Variants in FGF4 observed in about 807,000 individuals in gnomAD.
The protein encoded by FGF4 is fibroblast growth factor 4, also known as heparin secretory transforming protein 1.
In FGF4, 9 loss-of-function variants were observed where a neutral mutation model predicts 15.7. That is an observed-to-expected ratio of 0.57 (90% CI 0.35 to 1.00). The LOEUF is 1.00. Among genes scored for constraint, FGF4 ranks in the 50% least tolerant of loss-of-function variants. The pLI is 0.02. For missense variants in FGF4, 286 were observed against 297.3 expected (o/e 0.96, Z 0.28); for synonymous variants, 164 against 144.8 (o/e 1.13, Z -0.95).
Position 69,774,975 on chromosome 11 carries a change from C to A in FGF4, c.110G>T (p.Gly37Val). 1 of 1,474,568 alleles carries A rather than the reference C, an allele frequency of 6.8e-7. No individual in the cohort carries two copies. Among genetic ancestry groups the A allele is most frequent in the Non-Finnish European group, 8.9e-7 (1 of 1,120,788 alleles). 91.3% of individuals were successfully genotyped at this position (1,474,568 alleles called of 1,614,324 possible). The change falls in exon 1 of 3, where the codon GGC becomes GTC. Residue 37 changes from glycine (G) to valine (V), a missense_variant. Physicochemically the swap from Gly to Val is moderately radical, Grantham distance 109 (BLOSUM62 -3). Transcript: ENST00000168712. ...GCGCTCCAGCTCGGCCTCCAGCGTGCCGTTGGGTGCAGTGGGTGCGGCGGC... is the reference window on the plus strand; with the variant it reads ...GCGCTCCAGCTCGGCCTCCAGCGTGACGTTGGGTGCAGTGGGTGCGGCGGC... Reference protein sequence around the residue: ...GGAAAPTAPNGTLEAELERRW... With the variant: ...GGAAAPTAPNVTLEAELERRW...
In FGF4 at chr11:69,771,890, T is replaced by C. The variant is rs1376745996; in HGVS notation, c.*1419A>G. Reference sequence around the variant, plus strand: ...GTATAAACTCTAAAAAGTCATTCATTAAAATTAAATGTTTGCCATCACCTC... The same window carrying C: ...GTATAAACTCTAAAAAGTCATTCATCAAAATTAAATGTTTGCCATCACCTC... On this transcript the variant is annotated 3_prime_UTR_variant, in exon 3 of 3. Transcript: ENST00000168712. 1 of 152,178 alleles carries C rather than the reference T, an allele frequency of 6.6e-6. No individual in the cohort carries two copies. The allele number at this position is 152,178 out of a possible 1,614,324, so 9.4% of individuals were successfully genotyped here. A position where few individuals can be genotyped will look rare whatever the true frequency, so the allele number is the denominator to read the frequency against.
At position 69,773,035 on chromosome 11, in the gene FGF4, TAAAG is replaced by T. The variant is rs943821449; in HGVS notation, c.*270_*273del. Reference sequence around the variant, plus strand: ...ACACTCGTGACAACTTTTGACAAGTTAAAGAAATCCAATGGTAAGATTCTCCACT... The same window carrying T: ...ACACTCGTGACAACTTTTGACAAGTTAAATCCAATGGTAAGATTCTCCACT... On this transcript the variant is annotated 3_prime_UTR_variant, in exon 3 of 3. Transcript: ENST00000168712. The T allele has an allele frequency of 1.8e-5, 7 of 395,710 alleles. No homozygotes were observed. The highest frequency in any genetic ancestry group is 1.4e-4 in the African/African-American group (7 of 49,632). 24.5% of individuals were successfully genotyped at this position (395,710 alleles called of 1,614,324 possible). A position where few individuals can be genotyped will look rare whatever the true frequency, so the allele number is the denominator to read the frequency against.
In FGF4 at chr11:69,771,224, C is replaced by T. The variant is rs1481041742; in HGVS notation, c.*2085G>A. On this transcript the variant is annotated 3_prime_UTR_variant, in exon 3 of 3. Coordinates refer to ENST00000168712, the MANE Select transcript of FGF4 (RefSeq NM_002007.4). ...TGGCACATACAGGAACCTCGAATCC[C>T]CATCACAGCAATATGAAAACAATAT... The T allele has an allele frequency of 6.6e-6, 1 of 152,194 alleles. No homozygotes were observed. Among genetic ancestry groups the T allele is most frequent in the Non-Finnish European group, 1.5e-5 (1 of 68,040 alleles). 9.4% of individuals were successfully genotyped at this position (152,194 alleles called of 1,614,324 possible).
In FGF4 at chr11:69,775,184, C is replaced by T. The variant is rs568185467; in HGVS notation, c.-100G>A. Reference sequence around the variant, plus strand: ...CGTCCCGCGGGAGCGCACGGCCGACCTCGGGCAGGAGTGCGCAACCGAGGA... The same window carrying T: ...CGTCCCGCGGGAGCGCACGGCCGACTTCGGGCAGGAGTGCGCAACCGAGGA... On this transcript the variant is annotated 5_prime_UTR_variant, in exon 1 of 3. Coordinates refer to ENST00000168712, the MANE Select transcript of FGF4 (RefSeq NM_002007.4). 3.4e-6 allele frequency: 3 copies of T among 873,794 alleles called. No individual in the cohort carries two copies. The highest frequency in any genetic ancestry group is 9.6e-5 in the South Asian group (2 of 20,884). 54.1% of individuals were successfully genotyped at this position (873,794 alleles called of 1,614,324 possible). A position where few individuals can be genotyped will look rare whatever the true frequency, so the allele number is the denominator to read the frequency against.
Position 69,774,088 on chromosome 11 carries a change from C to T in FGF4, c.380G>A (p.Ser127Asn), listed in dbSNP as rs768068982. Residue 127 changes from serine to asparagine, a missense_variant, in exon 2 of 3, where the codon AGC becomes AAC. Ser to Asn is a conservative substitution (Grantham distance 46). Coordinates refer to ENST00000168712, the MANE Select transcript of FGF4 (RefSeq NM_002007.4). Reference sequence around the variant, plus strand: ...GAACCGGCTGGCCACGCCGAAGATGCTCACCACGCCCCGCTCCACGGGCGA... The same window carrying T: ...GAACCGGCTGGCCACGCCGAAGATGTTCACCACGCCCCGCTCCACGGGCGA... Reference protein sequence around the residue: ...ELSPVERGVVSIFGVASRFFV... With the variant: ...ELSPVERGVVNIFGVASRFFV... 2 of 1,612,934 alleles carry T rather than the reference C, an allele frequency of 1.2e-6. No homozygotes were observed. Among genetic ancestry groups the T allele is most frequent in the South Asian group, 1.1e-5 (1 of 91,064 alleles).
At chr11:69,773,740 G>T (rs1340762395) in intron 2 of FGF4, among the ~76,000 whole-genome samples, 1 of 152,172 alleles carries the variant, frequency 6.6e-6, no homozygotes, top group Non-Finnish European at 1.5e-5. Context: ...CCTCAAGCCC[G>T]CAGTTCCAAC....
Position 69,775,226 on chromosome 11 carries a change from G to A in FGF4, c.-142C>T. ...AACCGAGGAGGTGCGGGAGGCAAGC[G>A]ACGGGGCCCCCGGGCGCCGGGCTCT... On this transcript the variant is annotated 5_prime_UTR_variant, in exon 1 of 3. Coordinates refer to ENST00000168712, the MANE Select transcript of FGF4 (RefSeq NM_002007.4). 2 of 538,432 alleles carry A rather than the reference G, an allele frequency of 3.7e-6. No homozygotes were observed. Among genetic ancestry groups the A allele is most frequent in the Non-Finnish European group, 2.8e-6 (1 of 355,450 alleles). 33.4% of individuals were successfully genotyped at this position (538,432 alleles called of 1,614,324 possible).
At position 69,773,249 on chromosome 11, in the gene FGF4, G is replaced by A; in HGVS notation, c.*60C>T. 2.8e-6 allele frequency: 4 copies of A among 1,447,314 alleles called. No individual in the cohort carries two copies. The highest frequency in any genetic ancestry group is 3.9e-6 in the Non-Finnish European group (4 of 1,035,762). 89.7% of individuals were successfully genotyped at this position (1,447,314 alleles called of 1,614,324 possible). ...TCATCCGAAGAAAGTGCACCAAGGT[G>A]ACCCTCGGCACTGCCCTCCCAGGGG... On this transcript the variant is annotated 3_prime_UTR_variant, in exon 3 of 3. Transcript: ENST00000168712.
chr11:69,775,219 G>T lies in FGF4; in HGVS notation c.-135C>A, dbSNP rs887508260. 3.6e-6 allele frequency: 2 copies of T among 562,086 alleles called. No homozygotes were observed. Among genetic ancestry groups the T allele is most frequent in the Non-Finnish European group, 5.3e-6 (2 of 377,414 alleles). The allele number at this position is 562,086 out of a possible 1,614,324, so 34.8% of individuals were successfully genotyped here. On this transcript the variant is annotated 5_prime_UTR_variant, in exon 1 of 3. Transcript: ENST00000168712. ...AGTGCGCAACCGAGGAGGTGCGGGA[G>T]GCAAGCGACGGGGCCCCCGGGCGCC...
intron 2 of FGF4, 108 bp downstream of exon 2, chr11:69,773,916 G>T: frequency 1.1e-6 from 1 of 877,310 alleles, no homozygotes; most frequent in Non-Finnish European, 1.8e-6. Context: ...TGGTGACCCT[G>T]CCACCCCTCC....
chr11:69,774,664 T>A, intron 1 of FGF4, 81 bp downstream of exon 1: 1 of 1,129,134 alleles, frequency 8.9e-7, no homozygotes, highest in Non-Finnish European at 1.2e-6. Flanking sequence ...CCGCCGAGGG[T>A]CTCAGAGTGT....
Position 69,773,387 on chromosome 11 carries a change from C to T in FGF4, c.543G>A (p.Leu181=). The T allele has an allele frequency of 6.2e-7, 1 of 1,614,146 alleles. No individual in the cohort carries two copies. Among genetic ancestry groups the T allele is most frequent in the Non-Finnish European group, 8.5e-7 (1 of 1,180,028 alleles). ...SYKYPGMFIA[L]SKNGKTKKGN... is the part of the protein sequence containing the mutation. ...CCTTCTTGGTCTTCCCATTCTTGCT[C>T]AGGGCGATGAACATGCCGGGGTACT... Residue 181 remains leucine, a synonymous_variant, in exon 3 of 3, where the codon CTG becomes CTA. Coordinates refer to ENST00000168712, the MANE Select transcript of FGF4 (RefSeq NM_002007.4).
intron 2 of FGF4, 92 bp downstream of exon 2, chr11:69,773,932 C>T: frequency 9.2e-7 from 1 of 1,086,332 alleles, no homozygotes; most frequent in African/African-American, 1.5e-5. Context: ...CCTCCAAGAC[C>T]CAGGCACAGG....
chr11:69,774,259 G>GCCC lies in FGF4; in HGVS notation c.341-135_341-133dup, dbSNP rs1855611651. 11 of 700,366 alleles carry GCCC rather than the reference G, an allele frequency of 1.6e-5. No homozygotes were observed. In the East Asian group the frequency reaches 3.0e-4, roughly 19 times the overall value. 43.4% of individuals were successfully genotyped at this position (700,366 alleles called of 1,614,324 possible). On this transcript the variant is annotated intron_variant, in intron 1 of 2. Coordinates refer to ENST00000168712, the MANE Select transcript of FGF4 (RefSeq NM_002007.4). ...AAGGGCCAGGGTTCCCGGCGCAGCC[G>GCCC]CCCCCAAGGGCCTCCAGAGCCCAAG... is the stretch of plus-strand genomic sequence containing the variant.
intron 2 of FGF4, 57 bp downstream of exon 2, chr11:69,773,967 G>T: frequency 7.0e-7 from 1 of 1,423,174 alleles, no homozygotes; most frequent in Non-Finnish European, 9.8e-7. Context: ...CCACGAGCCT[G>T]CTAGCCATGT....
In FGF4 at chr11:69,774,951, C is replaced by G; in HGVS notation, c.134G>C (p.Arg45Pro). Residue 45 changes from arginine to proline, a missense_variant, in exon 1 of 3, where the codon CGC (arginine) becomes CCC (proline). By Grantham distance (103) the Arg-to-Pro change is moderately radical. Transcript: ENST00000168712. ...GAGCGCCACCAGGCTCTCCCAGCGG[C>G]GCTCCAGCTCGGCCTCCAGCGTGCC... ...PNGTLEAELE[R>P]RWESLVALSL... 2 of 1,476,348 alleles carry G rather than the reference C, an allele frequency of 1.4e-6. No homozygotes were observed. The highest frequency in any genetic ancestry group is 1.8e-6 in the Non-Finnish European group (2 of 1,121,268). The allele number at this position is 1,476,348 out of a possible 1,614,324, so 91.5% of individuals were successfully genotyped here.
rs575534055 is a variant in FGF4 at position 69,771,460 on chromosome 11, G to C, written c.*1849C>G. 2.2e-4 allele frequency: 34 copies of C among 152,178 alleles called. No individual in the cohort carries two copies. Among genetic ancestry groups the C allele is most frequent in the African/African-American group, 7.9e-4 (33 of 41,520 alleles). The allele number at this position is 152,178 out of a possible 1,614,324, so 9.4% of individuals were successfully genotyped here. ...ATACATTAAAATTCAGAAAGTCGAC[G>C]GATGATCCCTCCACACCCCCCAACG... On this transcript the variant is annotated 3_prime_UTR_variant, in exon 3 of 3. Transcript: ENST00000168712.
rs966807008 is a variant in FGF4, at chr11:69,774,070, C to T, written c.398G>A (p.Ser133Asn). The T allele has an allele frequency of 6.2e-7, 1 of 1,613,086 alleles. No homozygotes were observed. The highest frequency in any genetic ancestry group is 8.5e-7 in the Non-Finnish European group (1 of 1,179,954). ...GCTGCTCATGGCCACGAAGAACCGG[C>T]TGGCCACGCCGAAGATGCTCACCAC... ...RGVVSIFGVA[S>N]RFFVAMSSKG... is the part of the protein sequence containing the mutation. The change falls in exon 2 of 3, where the codon AGC (serine) becomes AAC (asparagine). Residue 133 changes from serine (S) to asparagine (N), a missense_variant. Physicochemically the swap from Ser to Asn is conservative, Grantham distance 46. Coordinates refer to ENST00000168712, the MANE Select transcript of FGF4 (RefSeq NM_002007.4).
chr11:69,774,632 C>A, intron 1 of FGF4, 113 bp downstream of exon 1: 2 of 778,892 alleles, frequency 2.6e-6, no homozygotes, highest in Non-Finnish European at 3.6e-6. Flanking sequence ...CGCCCCGGTT[C>A]CCGGGGCCCC....
Sources: allele counts gnomAD v4.1 joint callset (sites outside exome capture counted in the v4.1 genomes callset), GRCh38; gene constraint gnomAD v4.1.1; transcripts MANE v1.5; gene names NCBI Gene and HGNC (gene_info 2026-07-23, HGNC 2026-07-21).